TMEM163: variants seen among roughly 807,000 people sequenced by gnomAD.
The protein encoded by TMEM163 is transmembrane protein 163.
TMEM163 carries 17 observed loss-of-function variants against 29.3 expected under a neutral mutation model. The ratio of observed to expected loss-of-function variants is 0.58; its 90% CI spans 0.40 to 0.87. The LOEUF (loss-of-function observed/expected upper bound fraction) is 0.87. TMEM163 is among the 40% of genes least tolerant of loss of function. The probability of loss-of-function intolerance (pLI) is 0.00; values close to 1 mark genes in which losing one functional copy is unlikely to be tolerated. For synonymous variants in TMEM163, 157 were observed against 160.6 expected, an observed-to-expected ratio of 0.98 and a Z score of 0.17; for missense variants, 303 against 381.5, an observed-to-expected ratio of 0.79 and a Z score of 1.71.
chr2:134,682,499 G>A (rs1166786586), intron 2 of TMEM163, among the ~76,000 whole-genome samples: 1 of 152,202 alleles, frequency 6.6e-6, no homozygotes, highest in Non-Finnish European at 1.5e-5. Context: ...TGAGAAAGTA[G>A]GCCCAAGTCT....
chr2:134,563,938 G>C (rs1238765803), intron 2 of TMEM163, among the ~76,000 whole-genome samples: 1 of 152,154 alleles, frequency 6.6e-6, no homozygotes, highest in Admixed American at 6.5e-5. Context: ...TGTAGTCCCA[G>C]CTACTCGGGA....
chr2:134,595,211 C>T (rs917916184), intron 2 of TMEM163, among the ~76,000 whole-genome samples: 3 of 151,540 alleles, frequency 2.0e-5, no homozygotes, highest in Admixed American at 6.6e-5. Context: ...TGTGCTGCAC[C>T]CATTAACTCC....
At chr2:134,507,519 A>G (rs1393955070) in intron 4 of TMEM163, among the ~76,000 whole-genome samples, 2 of 152,108 alleles carry the variant, frequency 1.3e-5, no homozygotes, top group Non-Finnish European at 2.9e-5. Flanking sequence ...TGGCCCCTCA[A>G]TCTGTGTTTT....
chr2:134,476,583 C>T (rs1014469519), intron 5 of TMEM163, among the ~76,000 whole-genome samples: 6 of 152,218 alleles, frequency 3.9e-5, no homozygotes, highest in African/African-American at 1.4e-4. Context: ...TGATCATGTA[C>T]ATAGTAATGT....
intron 2 of TMEM163, among the ~76,000 whole-genome samples, chr2:134,625,274 C>A (rs1056992870): frequency 6.6e-6 from 1 of 152,144 alleles, no homozygotes; most frequent in Non-Finnish European, 1.5e-5. Flanking sequence ...TCTTTTAAAA[C>A]AAAAAGCACT....
intron 2 of TMEM163, among the ~76,000 whole-genome samples, chr2:134,711,182 TA>T (rs1400904573): frequency 6.6e-6 from 1 of 152,206 alleles, no homozygotes; most frequent in Admixed American, 6.5e-5. Flanking sequence ...TGGCGCCATA[TA>T]AATGATGCTT....
At chr2:134,459,602 C>T (rs1320337738) in intron 6 of TMEM163, among the ~76,000 whole-genome samples, 1 of 151,992 alleles carries the variant, frequency 6.6e-6, no homozygotes. Context: ...GAAGAGTCTG[C>T]CTGCTGCCTC....
At chr2:134,665,756 CA>C (rs1171856161) in intron 2 of TMEM163, among the ~76,000 whole-genome samples, 1 of 152,154 alleles carries the variant, frequency 6.6e-6, no homozygotes, top group East Asian at 1.9e-4. Context: ...GCAGCTAAGC[CA>C]GTTCCTCAGC....
intron 6 of TMEM163, among the ~76,000 whole-genome samples, chr2:134,462,611 G>T (rs1558910699): frequency 6.6e-6 from 1 of 152,182 alleles, no homozygotes; most frequent in Non-Finnish European, 1.5e-5. Context: ...TCACAAGTAT[G>T]GTGGAAATAC....
At chr2:134,518,438 C>T (rs1200816764) in intron 4 of TMEM163, among the ~76,000 whole-genome samples, 1 of 152,186 alleles carries the variant, frequency 6.6e-6, no homozygotes, top group Non-Finnish European at 1.5e-5. Flanking sequence ...CTGGTGTTTC[C>T]ACACCCATTA....
At chr2:134,486,051 G>T (rs1252772420) in intron 5 of TMEM163, among the ~76,000 whole-genome samples, 1 of 152,144 alleles carries the variant, frequency 6.6e-6, no homozygotes. Flanking sequence ...TCCATCAGAG[G>T]TACTCACATG....
At chr2:134,504,881 G>A (rs1329580426) in intron 4 of TMEM163, among the ~76,000 whole-genome samples, 1 of 152,154 alleles carries the variant, frequency 6.6e-6, no homozygotes, top group South Asian at 2.1e-4. Context: ...ACCTACTGGA[G>A]GGCCCTTTAA....
At chr2:134,518,965 G>A (rs1252646207) in intron 4 of TMEM163, among the ~76,000 whole-genome samples, 2 of 152,168 alleles carry the variant, frequency 1.3e-5, no homozygotes, top group African/African-American at 4.8e-5. Flanking sequence ...CAAACTCAGA[G>A]TCTAACCACA....
At chr2:134,494,012 T>C (rs945030187) in intron 5 of TMEM163, among the ~76,000 whole-genome samples, 3 of 151,896 alleles carry the variant, frequency 2.0e-5, no homozygotes, top group Non-Finnish European at 2.9e-5. Flanking sequence ...AGTCCAGAAA[T>C]AGACCTACAC....
At chr2:134,520,869 A>T (rs1204539734) in intron 4 of TMEM163, among the ~76,000 whole-genome samples, 1 of 152,240 alleles carries the variant, frequency 6.6e-6, no homozygotes, top group Non-Finnish European at 1.5e-5. Flanking sequence ...TGTGAGGCTC[A>T]TAAAGAATTC....
At chr2:134,678,058 G>A (rs539114845) in intron 2 of TMEM163, among the ~76,000 whole-genome samples, 56 of 152,304 alleles carry the variant, frequency 3.7e-4, no homozygotes, top group South Asian at 1.0e-3. Context: ...GTTTCTTTCC[G>A]GTCTCAGGGA....
intron 2 of TMEM163, among the ~76,000 whole-genome samples, chr2:134,681,723 T>G (rs13386462): frequency 0.055 from 8,363 of 152,210 alleles, 382 homozygotes; most frequent in African/African-American, 0.12. Context: ...TGACCCTGGT[T>G]CCCAGCACAT....
At chr2:134,509,497 T>G (rs1166704401) in intron 4 of TMEM163, among the ~76,000 whole-genome samples, 3 of 152,212 alleles carry the variant, frequency 2.0e-5, no homozygotes, top group African/African-American at 7.2e-5. Flanking sequence ...AAGCCCCAGG[T>G]CTACATGCCA....
chr2:134,593,651 G>C (rs968940836), intron 2 of TMEM163, among the ~76,000 whole-genome samples: 1 of 151,560 alleles, frequency 6.6e-6, no homozygotes, highest in East Asian at 1.9e-4. Flanking sequence ...GGAGAGGAGG[G>C]GTGGAAGGTA....
Sources: gnomAD v4.1 joint callset for allele counts (sites outside exome capture counted in the v4.1 genomes callset) on GRCh38, gnomAD v4.1.1 for gene constraint, MANE v1.5 for transcripts, NCBI Gene and HGNC (gene_info 2026-07-23, HGNC 2026-07-21) for gene names.